Variants in MPO observed in about 807,000 individuals in gnomAD.
The protein encoded by MPO is myeloperoxidase.
MPO carries 57 observed loss-of-function variants against 69.4 expected under a neutral mutation model. That is an observed-to-expected ratio of 0.82 (90% confidence interval 0.66 to 1.02). MPO has a LOEUF of 1.02. Ranked by LOEUF, MPO falls within the 50% of genes least tolerant of loss-of-function variation. The pLI, the probability that MPO is intolerant of heterozygous loss-of-function variation, is 0.00. For synonymous variants in MPO, 426 were observed against 417.1 expected (o/e 1.02, Z -0.26); for missense variants, 971 against 1,014.1 (o/e 0.96, Z 0.58).
At chr17:58,272,204 C>G (rs1970374392) in intron 10 of MPO, among the ~76,000 whole-genome samples, 2 of 152,214 alleles carry the variant, frequency 1.3e-5, no homozygotes, top group South Asian at 4.1e-4. Flanking sequence ...CCTTGTCCCC[C>G]TCCAGAGCAG....
At position 58,279,577 on chromosome 17, in the gene MPO, A is replaced by AC. The variant is rs769915235; in HGVS notation, c.493dup (p.Val165GlyfsTer40). 6.2e-7 allele frequency: 1 copy of AC among 1,613,918 alleles called. No homozygotes were observed. The highest frequency in any genetic ancestry group is 8.5e-7 in the Non-Finnish European group (1 of 1,180,004). Reference sequence around the variant, plus strand: ...GTATTTGTCCTGCTCCGGGCAAGTCACCCCCACGTCCTGGTAGGCGCAGCC... The same window carrying AC: ...GTATTTGTCCTGCTCCGGGCAAGTCACCCCCCACGTCCTGGTAGGCGCAGCC... On this transcript the variant is annotated frameshift_variant, in exon 4 of 12. Coordinates refer to ENST00000225275, the MANE Select transcript of MPO (RefSeq NM_000250.2). LOFTEE classifies it high-confidence loss of function.
rs1182461190 is a variant in MPO at position 58,275,967 on chromosome 17, T to C, written c.1205-265A>G. Among the ~76,000 whole-genome samples the C allele has an allele frequency of 1.3e-5, 2 of 152,210 alleles. No individual in the cohort carries two copies. The highest frequency in any genetic ancestry group is 2.4e-5 in the African/African-American group (1 of 41,456). On this transcript the variant is annotated intron_variant, in intron 7 of 11. Transcript: ENST00000225275. The surrounding 1 kb of genome is among the most constrained non-coding windows in gnomAD (Gnocchi z 4.1). ...TAGGTATCACTTCCAACACATGACA[T>C]GCCACTTTCCTGTACCTGAAACTGG...
chr17:58,279,137 G>A lies in MPO; in HGVS notation c.756C>T (p.Phe252=). 1.2e-6 allele frequency: 2 copies of A among 1,612,892 alleles called. No homozygotes were observed. The highest frequency in any genetic ancestry group is 1.7e-6 in the Non-Finnish European group (2 of 1,179,504). The change falls in exon 6 of 12, where the codon TTC becomes TTT. Residue 252 remains phenylalanine (F), a synonymous_variant. Transcript: ENST00000225275. ...GGTCCAACAGCTGGCCCCATTGCAT[G>A]AACATGAGTGAGCGCTCCTGGTCCG... ...LTPDQERSLM[F]MQWGQLLDHD...
At position 58,275,971 on chromosome 17, in the gene MPO, A is replaced by C. The variant is rs1240043383; in HGVS notation, c.1205-269T>G. On this transcript the variant is annotated intron_variant, in intron 7 of 11. Transcript: ENST00000225275. This position sits in a 1 kb window ranked among gnomAD's most constrained non-coding sequence, Gnocchi z 4.1. ...TATCACTTCCAACACATGACATGCC[A>C]CTTTCCTGTACCTGAAACTGGGAGC... Among the ~76,000 whole-genome samples, 2 of 152,198 alleles carry C rather than the reference A, an allele frequency of 1.3e-5. No individual in the cohort carries two copies. Among genetic ancestry groups the C allele is most frequent in the African/African-American group, 4.8e-5 (2 of 41,444 alleles).
Position 58,271,831 on chromosome 17 carries a change from G to A in MPO, c.1854C>T (p.Gly618=), listed in dbSNP as rs1473664865. Residue 618 remains glycine, a synonymous_variant, in exon 11 of 12, where the codon GGC becomes GGT. Transcript: ENST00000225275. The part of the protein sequence containing the change: ...LPQPETVGQL[G]TVLRNLKLAR... ...CCAATTTCAGGTTCCTCAGCACCGT[G>A]CCCAGCTGGCCCACAGTTTCAGGCT... The A allele has an allele frequency of 6.2e-7, 1 of 1,614,066 alleles. No individual in the cohort carries two copies. Among genetic ancestry groups the A allele is most frequent in the Non-Finnish European group, 8.5e-7 (1 of 1,180,052 alleles).
chr17:58,280,538 G>A, intron 1 of MPO, 67 bp downstream of exon 1: 1 of 1,613,944 alleles, frequency 6.2e-7, no homozygotes, highest in Non-Finnish European at 8.5e-7. Context: ...GGCCTGCTCT[G>A]AGAAAAGGGG....
intron 10 of MPO, 49 bp downstream of exon 10, chr17:58,272,699 G>A: frequency 2.5e-6 from 4 of 1,594,020 alleles, no homozygotes; most frequent in Non-Finnish European, 3.4e-6. Context: ...CTACCTAGGA[G>A]GCAGCTCAGG....
Position 58,271,746 on chromosome 17 carries a change from C to G in MPO, c.1939G>C (p.Val647Leu), listed in dbSNP as rs780409117. 4.3e-6 allele frequency: 7 copies of G among 1,613,768 alleles called. No homozygotes were observed. In the Admixed American group the frequency reaches 8.3e-5, roughly 19 times the overall value. The part of the protein sequence containing the change: ...PNNIDIWMGG[V>L]SEPLKRKGRV... ...CCTTTGCGCTTCAGAGGCTCGGACACGCCGCCCATCCAGATGTCGATGTTG... is the reference window on the plus strand; with the variant it reads ...CCTTTGCGCTTCAGAGGCTCGGACAGGCCGCCCATCCAGATGTCGATGTTG... The change falls in exon 11 of 12, where the codon GTG becomes CTG. Residue 647 changes from valine to leucine, a missense_variant. Transcript: ENST00000225275.
chr17:58,278,806 G>A (rs1970472699), intron 6 of MPO: 4 of 659,878 alleles, frequency 6.1e-6, no homozygotes, highest in Admixed American at 2.5e-5. Flanking sequence ...GCAAATGGAC[G>A]GCCCTGGCTG....
chr17:58,273,564 C>T lies in MPO; in HGVS notation c.1471G>A (p.Ala491Thr), dbSNP rs756572859. ...CGGAAGGCATTGGTGAAGACGTTGG[C>T]GATGCGTGGGTCCACTGAGTCATTG... ...SYNDSVDPRIANVFTNAFRYG... is the reference protein window; with the variant it reads ...SYNDSVDPRITNVFTNAFRYG... Residue 491 changes from alanine (A) to threonine (T), a missense_variant, in exon 9 of 12, where the codon GCC becomes ACC. Ala to Thr is a moderately conservative substitution (Grantham distance 58). Transcript: ENST00000225275. The T allele has an allele frequency of 3.7e-5, 60 of 1,614,096 alleles. No individual in the cohort carries two copies. Among genetic ancestry groups the T allele is most frequent in the Non-Finnish European group, 4.7e-5 (55 of 1,180,036 alleles).
chr17:58,274,934 A>G (rs1446847470), intron 8 of MPO, among the ~76,000 whole-genome samples: 1 of 151,908 alleles, frequency 6.6e-6, no homozygotes, highest in African/African-American at 2.4e-5. Flanking sequence ...GCGCCATCTC[A>G]GCTCACTGCA....
intron 7 of MPO, among the ~76,000 whole-genome samples, chr17:58,276,462 G>A (rs1970439881): frequency 6.6e-6 from 1 of 152,324 alleles, no homozygotes; most frequent in East Asian, 1.9e-4. Context: ...TCTCTGCAGG[G>A]GCCAGAGGGC....
In MPO at chr17:58,272,788, A is replaced by T; in HGVS notation, c.1752T>A (p.Pro584=). 6.2e-7 allele frequency: 1 copy of T among 1,614,168 alleles called. No homozygotes were observed. Among genetic ancestry groups the T allele is most frequent in the Non-Finnish European group, 8.5e-7 (1 of 1,180,036 alleles). Residue 584 remains proline (P), a synonymous_variant, in exon 10 of 12, where the codon CCT becomes CCA. Transcript: ENST00000225275. ...CCCTGCTGCGCTGCATGTTCAGAGC[A>T]GGCAGGTCCAGCCCAATCCTCATGA... ...EQVMRIGLDL[P]ALNMQRSRDH... is the part of the protein sequence containing the mutation.
intron 8 of MPO, chr17:58,274,288 C>T (rs995007257): frequency 8.8e-6 from 4 of 455,946 alleles, no homozygotes; most frequent in East Asian, 6.9e-5. Flanking sequence ...CACTTGAGTT[C>T]TTAGTGCAAA....
Position 58,273,525 on chromosome 17 carries a change from G to A in MPO, c.1510C>T (p.Leu504Phe), listed in dbSNP as rs748711952. ...FTNAFRYGHT[L>F]IQPFMFRLDN... ...AGGCGGAACATGAAGGGTTGGATGA[G>A]GGTGTGGCCGTAGCGGAAGGCATTG... Residue 504 changes from leucine to phenylalanine, a missense_variant, in exon 9 of 12, where the codon CTC (leucine) becomes TTC (phenylalanine). By Grantham distance (22) the Leu-to-Phe change is conservative. Transcript: ENST00000225275. 2 of 1,614,250 alleles carry A rather than the reference G, an allele frequency of 1.2e-6. No homozygotes were observed. The highest frequency in any genetic ancestry group is 3.3e-5 in the Admixed American group (2 of 60,036).
At chr17:58,276,094 A>C (rs1048920743) in intron 7 of MPO, among the ~76,000 whole-genome samples, 4 of 152,208 alleles carry the variant, frequency 2.6e-5, no homozygotes, top group African/African-American at 4.8e-5. Context: ...GCCTGGTACA[A>C]AGTATGAGAC....
intron 6 of MPO, 128 bp from the exon 7 acceptor site, chr17:58,278,273 A>C: frequency 1.9e-6 from 2 of 1,048,608 alleles, no homozygotes; most frequent in Non-Finnish European, 2.8e-6. Context: ...GGAGGCCCGA[A>C]AGGGATCGCT....
In MPO at chr17:58,276,837, G is replaced by A. The variant is rs952659089; in HGVS notation, c.1204+990C>T. 5.3e-5 allele frequency among the ~76,000 whole-genome samples: 8 copies of A among 152,140 alleles called. No homozygotes were observed. The East Asian group carries it at 5.8e-4, about 11-fold the overall frequency. ...AAAACACTGGAAAATGGCTGCGTGC[G>A]GTGGCTCACACCTGTAATCCCAGCA... On this transcript the variant is annotated intron_variant, in intron 7 of 11. Coordinates refer to ENST00000225275, the MANE Select transcript of MPO (RefSeq NM_000250.2).
intron 7 of MPO, among the ~76,000 whole-genome samples, chr17:58,276,458 C>T (rs1439477805): frequency 6.6e-6 from 1 of 152,200 alleles, no homozygotes; most frequent in Non-Finnish European, 1.5e-5. Context: ...CCCTTCTCTG[C>T]AGGGGCCAGA....
Sources: gnomAD v4.1 joint callset for allele counts (sites outside exome capture counted in the v4.1 genomes callset) on GRCh38, gnomAD v4.1.1 for gene constraint, Gnocchi (gnomAD v3.1) non-coding constraint, MANE v1.5 for transcripts, NCBI Gene and HGNC (gene_info 2026-07-23, HGNC 2026-07-21) for gene names.